The following CNTNAP2 variants were observed in gnomAD, a reference collection of about 807,000 sequenced individuals.
CNTNAP2 encodes the protein contactin-associated protein-like 2.
Under a neutral mutation model 155.2 loss-of-function variants are expected in CNTNAP2, and 98 were observed. The observed-to-expected ratio is 0.63, with a 90% CI of 0.54 to 0.75. The LOEUF is 0.75. Ranked by LOEUF, CNTNAP2 falls within the 30% of genes least tolerant of loss-of-function variation. The pLI is 0.00. For missense variants in CNTNAP2, 1,727 were observed against 1,688.1 expected, an observed-to-expected ratio of 1.02 and a Z score of -0.40; for synonymous variants, 651 against 631.2, an observed-to-expected ratio of 1.03 and a Z score of -0.47.
chr7:146,959,065 G>C (rs764466928), intron 3 of CNTNAP2, among the ~76,000 whole-genome samples: 1 of 151,748 alleles, frequency 6.6e-6, no homozygotes, highest in Non-Finnish European at 1.5e-5. Flanking sequence ...TGTCGCCCAG[G>C]CTGGAGTGCA....
intron 1 of CNTNAP2, among the ~76,000 whole-genome samples, chr7:146,398,453 T>C (rs1795666393): frequency 6.6e-6 from 1 of 151,990 alleles, no homozygotes; most frequent in African/African-American, 2.4e-5. Context: ...GTGGAGGAAA[T>C]CCCTGATTAC....
At chr7:147,952,547 T>G (rs1225051334) in intron 14 of CNTNAP2, among the ~76,000 whole-genome samples, 3 of 152,136 alleles carry the variant, frequency 2.0e-5, no homozygotes, top group African/African-American at 7.2e-5. Flanking sequence ...AGTAATTAAA[T>G]GTACGCCTAT....
At chr7:146,155,650 T>G (rs1009878767) in intron 1 of CNTNAP2, among the ~76,000 whole-genome samples, 3 of 150,874 alleles carry the variant, frequency 2.0e-5, no homozygotes, top group Admixed American at 6.6e-5. Context: ...ATTACATAAG[T>G]AAATACAATT....
At chr7:147,066,251 G>A (rs1048235191) in intron 4 of CNTNAP2, among the ~76,000 whole-genome samples, 19 of 148,790 alleles carry the variant, frequency 1.3e-4, no homozygotes, top group Admixed American at 1.1e-3. Flanking sequence ...GCAGATCGTC[G>A]TCAGTTCTAA....
chr7:146,200,553 G>A (rs1191095641), intron 1 of CNTNAP2, among the ~76,000 whole-genome samples: 1 of 144,668 alleles, frequency 6.9e-6, no homozygotes, highest in Non-Finnish European at 1.5e-5. Context: ...TATATATACT[G>A]TGTTTTTACT....
chr7:147,777,746 A>G (rs1409724489), intron 13 of CNTNAP2, among the ~76,000 whole-genome samples: 1 of 152,194 alleles, frequency 6.6e-6, no homozygotes, highest in African/African-American at 2.4e-5. Flanking sequence ...TGGTGGTAGG[A>G]ATTTTAGGCC....
intron 21 of CNTNAP2, among the ~76,000 whole-genome samples, chr7:148,308,538 T>G (rs1797529991): frequency 6.9e-6 from 1 of 145,546 alleles, no homozygotes; most frequent in Admixed American, 7.1e-5. Context: ...TTTTTCCATT[T>G]TAACCTATTT....
chr7:146,270,287 C>T (rs1385001056), intron 1 of CNTNAP2, among the ~76,000 whole-genome samples: 1 of 152,050 alleles, frequency 6.6e-6, no homozygotes, highest in Non-Finnish European at 1.5e-5. Flanking sequence ...GATTCTTGTC[C>T]GTAAGCACTT....
chr7:146,924,456 G>T (rs1277490111), intron 3 of CNTNAP2, among the ~76,000 whole-genome samples: 5 of 152,068 alleles, frequency 3.3e-5, no homozygotes, highest in Non-Finnish European at 7.4e-5. Flanking sequence ...ATATATGGTA[G>T]ATTTATAATG....
chr7:147,274,803 C>T (rs1804857446), intron 8 of CNTNAP2, among the ~76,000 whole-genome samples: 1 of 151,674 alleles, frequency 6.6e-6, no homozygotes. Context: ...TTAATAGTTT[C>T]AGGTCTTACA....
chr7:147,773,919 T>G (rs1429375640), intron 13 of CNTNAP2, among the ~76,000 whole-genome samples: 1 of 152,160 alleles, frequency 6.6e-6, no homozygotes, highest in Non-Finnish European at 1.5e-5. Flanking sequence ...CCTACTACCT[T>G]AACTTTCATT....
At chr7:147,984,526 A>T (rs10269257) in intron 15 of CNTNAP2, among the ~76,000 whole-genome samples, 15,722 of 151,948 alleles carry the variant, frequency 0.1, 1,068 homozygotes, top group African/African-American at 0.2. Flanking sequence ...ATCAGAGCTG[A>T]TGTTAGGATA....
intron 1 of CNTNAP2, among the ~76,000 whole-genome samples, chr7:146,526,713 T>C (rs1797696697): frequency 6.6e-6 from 1 of 152,134 alleles, no homozygotes; most frequent in South Asian, 2.1e-4. Context: ...TTCCAATTGT[T>C]TGATCTGATA....
intron 4 of CNTNAP2, among the ~76,000 whole-genome samples, chr7:147,048,067 ATTTTTTTTTTT>A (rs11352009): frequency 1.1e-5 from 1 of 90,374 alleles, no homozygotes. Context: ...CGGAGAGACA[ATTTTTTTTTTT>A]TTTTTTTTTT....
chr7:146,164,367 G>GT (rs1049450138), intron 1 of CNTNAP2, among the ~76,000 whole-genome samples: 14 of 151,568 alleles, frequency 9.2e-5, no homozygotes, highest in Middle Eastern at 3.4e-3. Flanking sequence ...TGTTTTTTTT[G>GT]TTTTTTCTTT....
chr7:146,861,611 C>A (rs1033769887), intron 3 of CNTNAP2, among the ~76,000 whole-genome samples: 4 of 151,902 alleles, frequency 2.6e-5, no homozygotes, highest in African/African-American at 9.7e-5. Flanking sequence ...AGGGGGTAAC[C>A]ATAAAATTCC....
intron 3 of CNTNAP2, among the ~76,000 whole-genome samples, chr7:146,902,873 C>T (rs1796032037): frequency 6.6e-6 from 1 of 152,112 alleles, no homozygotes; most frequent in African/African-American, 2.4e-5. Context: ...GTTTTTCCGA[C>T]GTGTGGTAAG....
chr7:147,912,907 C>G (rs549403500), intron 14 of CNTNAP2, among the ~76,000 whole-genome samples: 4 of 152,172 alleles, frequency 2.6e-5, no homozygotes, highest in Non-Finnish European at 4.4e-5. Context: ...CTGGCCTGAA[C>G]GGGAGCATCG....
At chr7:146,621,329 G>A (rs1799313113) in intron 1 of CNTNAP2, among the ~76,000 whole-genome samples, 1 of 152,084 alleles carries the variant, frequency 6.6e-6, no homozygotes, top group African/African-American at 2.4e-5. Context: ...GTCATAATTA[G>A]TGAGCCAATA....
Sources: allele counts gnomAD v4.1 joint callset (sites outside exome capture counted in the v4.1 genomes callset), GRCh38; gene constraint gnomAD v4.1.1; transcripts MANE v1.5; gene names NCBI Gene and HGNC (gene_info 2026-07-23, HGNC 2026-07-21).